The following FAT1 variants were observed in gnomAD, a reference collection of about 807,000 sequenced individuals.
The protein encoded by FAT1 is protocadherin Fat 1.
In FAT1, 171 loss-of-function variants were observed where a neutral mutation model predicts 329.8. The ratio of observed to expected loss-of-function variants is 0.52; its 90% CI spans 0.46 to 0.59. The LOEUF is 0.59. FAT1 is among the 20% of genes least tolerant of loss of function. The pLI is 0.00. For synonymous variants in FAT1, 2,233 were observed against 2,228.6 expected (o/e 1.00, Z -0.06); for missense variants, 5,672 against 5,774.4 (o/e 0.98, Z 0.57).
chr4:186,704,942 A>G (rs933540753), intron 2 of FAT1, among the ~76,000 whole-genome samples: 1 of 138,986 alleles, frequency 7.2e-6, no homozygotes, highest in Admixed American at 7.0e-5. Context: ...TTCCAAAATA[A>G]CTTTTTTTTT....
chr4:186,691,142 CT>C (rs1743741104), intron 2 of FAT1, among the ~76,000 whole-genome samples: 2 of 152,134 alleles, frequency 1.3e-5, no homozygotes, highest in South Asian at 4.1e-4. Flanking sequence ...ATCAGTTCAC[CT>C]TTCACATATG....
intron 14 of FAT1, among the ~76,000 whole-genome samples, chr4:186,610,685 A>ACTATATAATTTATATAAATATAAAT (rs1739391193): frequency 1.3e-5 from 1 of 75,660 alleles, no homozygotes; most frequent in East Asian, 3.2e-4. Context: ...ATAAATATAA[A>ACTATATAATTTATATAAATATAAAT]TTATATAATT....
At chr4:186,607,318 TAA>T (rs1158107932) in intron 16 of FAT1, among the ~76,000 whole-genome samples, 4 of 152,136 alleles carry the variant, frequency 2.6e-5, no homozygotes, top group African/African-American at 4.8e-5. Flanking sequence ...TTCCTGGACA[TAA>T]GTCTGCACAG....
At chr4:186,692,149 TAC>T (rs1349339597) in intron 2 of FAT1, among the ~76,000 whole-genome samples, 2 of 152,336 alleles carry the variant, frequency 1.3e-5, no homozygotes, top group East Asian at 3.9e-4. Context: ...AGTGAGTCAA[TAC>T]AGTTACACGT....
intron 2 of FAT1, among the ~76,000 whole-genome samples, chr4:186,671,560 G>A (rs188629420): frequency 1.3e-5 from 2 of 152,004 alleles, no homozygotes; most frequent in East Asian, 1.9e-4. Flanking sequence ...TGAGCTGGGC[G>A]TGGTGGCAGG....
At chr4:186,643,205 G>C (rs1741181792) in intron 3 of FAT1, among the ~76,000 whole-genome samples, 1 of 152,148 alleles carries the variant, frequency 6.6e-6, no homozygotes, top group Non-Finnish European at 1.5e-5. Context: ...CATGGAGCAA[G>C]GCAGATGGAG....
chr4:186,644,714 A>T (rs1250497534), intron 3 of FAT1, among the ~76,000 whole-genome samples: 1 of 152,248 alleles, frequency 6.6e-6, no homozygotes, highest in Non-Finnish European at 1.5e-5. Context: ...ATTTCTTATA[A>T]ATCAGTAACA....
chr4:186,714,838 G>A (rs569065965), intron 1 of FAT1, among the ~76,000 whole-genome samples: 3 of 152,314 alleles, frequency 2.0e-5, no homozygotes, highest in South Asian at 2.1e-4. Context: ...CCAGCACTTC[G>A]GGAGGCCGAG....
chr4:186,643,620 G>T (rs150992922), intron 3 of FAT1, among the ~76,000 whole-genome samples: 2 of 152,212 alleles, frequency 1.3e-5, no homozygotes, highest in Non-Finnish European at 2.9e-5. Context: ...CATTCTGGGT[G>T]TCTTTTCGAG....
At position 186,621,621 on chromosome 4, in the gene FAT1, G is replaced by C. The variant is rs2126526977; in HGVS notation, c.4965C>G (p.Ile1655Met). 3.1e-6 allele frequency: 5 copies of C among 1,614,012 alleles called. No individual in the cohort carries two copies. Among genetic ancestry groups the C allele is most frequent in the Non-Finnish European group, 4.2e-6 (5 of 1,179,894 alleles). Residue 1655 changes from isoleucine (I) to methionine (M), a missense_variant, in exon 10 of 27, where the codon ATC becomes ATG. Physicochemically the swap from Ile to Met is conservative, Grantham distance 10 (BLOSUM62 1). This residue lies in a region of FAT1 where 3,966 missense variants were observed against 3,915.2 expected (regional missense o/e 1.01). Coordinates refer to ENST00000441802, the MANE Select transcript of FAT1 (RefSeq NM_005245.4). ...PPMSEITSVR[I>M]FVTIADNASP... ...AGGCGTTGTCAGCAATTGTGACAAA[G>C]ATACGCACAGAAGTTATTTCACTCA...
At position 186,611,412 on chromosome 4, in the gene FAT1, C is replaced by T. The variant is rs1251949809; in HGVS notation, c.9827G>A (p.Gly3276Glu). ...TYSIISGNEH[G>E]KFSIDSKTGA... ...TGTTTTAGAATCTATGCTGAATTTC[C>T]CATGTTCATTTCCACTTATTATTGA... Residue 3276 changes from glycine (G) to glutamate (E), a missense_variant, in exon 14 of 27, where the codon GGG becomes GAG. By Grantham distance (98) the Gly-to-Glu change is moderately conservative. Transcript: ENST00000441802. 7 of 1,612,774 alleles carry T rather than the reference C, an allele frequency of 4.3e-6. No individual in the cohort carries two copies. The highest frequency in any genetic ancestry group is 3.3e-5 in the South Asian group (3 of 90,820).
intron 2 of FAT1, among the ~76,000 whole-genome samples, chr4:186,676,278 G>GAAA (rs11331148): frequency 2.4e-5 from 3 of 125,388 alleles, no homozygotes; most frequent in Non-Finnish European, 3.5e-5. Flanking sequence ...TTCATTTTGT[G>GAAA]AAAAAAAAAA....
chr4:186,615,979 G>A (rs1194579632), intron 11 of FAT1, among the ~76,000 whole-genome samples: 2 of 152,090 alleles, frequency 1.3e-5, no homozygotes. Flanking sequence ...CCCCGGCTCA[G>A]ACTCCTCTTT....
intron 3 of FAT1, among the ~76,000 whole-genome samples, chr4:186,662,995 C>A (rs1319120059): frequency 1.3e-5 from 2 of 152,088 alleles, no homozygotes; most frequent in East Asian, 3.9e-4. Context: ...CGCCACCACG[C>A]CCAGCTAATT....
At chr4:186,628,015 A>G in intron 9 of FAT1, 139 bp downstream of exon 9, 1 of 939,272 alleles carries the variant, frequency 1.1e-6, no homozygotes, top group Non-Finnish European at 1.6e-6. Flanking sequence ...CTAACATGTA[A>G]AATTGTATCT....
intron 3 of FAT1, among the ~76,000 whole-genome samples, chr4:186,659,236 G>A (rs1014567307): frequency 6.6e-6 from 1 of 152,176 alleles, no homozygotes; most frequent in Non-Finnish European, 1.5e-5. Context: ...GTTTGGGTAA[G>A]TACACTCTAC....
rs199692977 is a variant in FAT1 at position 186,597,074 on chromosome 4, C to G, written c.12466G>C (p.Glu4156Gln). Reference sequence around the variant, plus strand: ...TCCTCGCAGTGACGTCCCCTGTACTCGTGGCTGCAGTTGCAGTGATAGGAG... The same window carrying G: ...TCCTCGCAGTGACGTCCCCTGTACTGGTGGCTGCAGTTGCAGTGATAGGAG... ...HGSYHCNCSH[E>Q]YRGRHCEDAA... The change falls in exon 25 of 27, where the codon GAG (glutamate) becomes CAG (glutamine). Residue 4156 changes from glutamate to glutamine, a missense_variant. Glu to Gln is a conservative substitution (Grantham distance 29, BLOSUM62 2). Around this residue, in one of 2 missense-constraint regions of FAT1, gnomAD observed 1,706 missense variants for 1,859.1 expected, o/e 0.92. Transcript: ENST00000441802. The G allele has an allele frequency of 3.1e-6, 5 of 1,614,026 alleles. No homozygotes were observed. The South Asian group carries it at 4.4e-5, about 14-fold the overall frequency.
chr4:186,602,559 T>G (rs1350737788), intron 20 of FAT1, among the ~76,000 whole-genome samples: 1 of 152,182 alleles, frequency 6.6e-6, no homozygotes, highest in East Asian at 1.9e-4. Flanking sequence ...TTTACCATAC[T>G]GCTAAGTGGA....
intron 2 of FAT1, among the ~76,000 whole-genome samples, chr4:186,697,500 A>G (rs1197100215): frequency 1.3e-5 from 2 of 152,208 alleles, no homozygotes; most frequent in African/African-American, 4.8e-5. Context: ...AGAACATCTG[A>G]TGAAACAGGT....
Sources: gnomAD v4.1 joint callset for allele counts (sites outside exome capture counted in the v4.1 genomes callset) on GRCh38, gnomAD v4.1.1 for gene constraint, gnomAD v4.1.1 regional missense constraint, MANE v1.5 for transcripts, NCBI Gene and HGNC (gene_info 2026-07-23, HGNC 2026-07-21) for gene names.